The following AZIN2 variants were observed in gnomAD, a reference collection of about 807,000 sequenced individuals.
AZIN2 encodes the protein ODC antizyme inhibitor-2.
AZIN2 carries 28 observed loss-of-function variants against 47.8 expected under a neutral mutation model. That is an observed-to-expected ratio of 0.59 (90% CI 0.43 to 0.80). The LOEUF is 0.80. Ranked by LOEUF, AZIN2 falls within the 30% of genes least tolerant of loss-of-function variation. AZIN2 has a pLI of 0.00. For synonymous variants in AZIN2, 221 were observed against 239.4 expected (o/e 0.92, Z 0.71); for missense variants, 535 against 582.5 (o/e 0.92, Z 0.84).
the AZIN2 span, chr1:33,147,454 C>CGGCTG: frequency 6.2e-7 from 1 of 1,613,894 alleles, no homozygotes; most frequent in Non-Finnish European, 8.5e-7. The surrounding 1 kb of genome is among the most constrained non-coding windows in gnomAD (Gnocchi z 8.1). Flanking sequence ...GTAGAAGCCG[C>CGGCTG]GGCTGGGCTG....
chr1:33,146,074 T>A, the AZIN2 span: 4 of 352,198 alleles, frequency 1.1e-5, no homozygotes, highest in South Asian at 6.5e-5. Flanking sequence ...TTCCTGCAGA[T>A]GGGGGCAGCT....
intron 5 of AZIN2, among the ~76,000 whole-genome samples, chr1:33,086,220 A>T (rs1641879115): frequency 6.6e-6 from 1 of 151,732 alleles, no homozygotes; most frequent in Non-Finnish European, 1.5e-5. Context: ...GGTAATTACT[A>T]TTTTTTTTAA....
At chr1:33,097,494 A>G (rs904655430) in intron 9 of AZIN2, among the ~76,000 whole-genome samples, 1 of 152,128 alleles carries the variant, frequency 6.6e-6, no homozygotes, top group Admixed American at 6.5e-5. Flanking sequence ...CCTGTGAGTG[A>G]CAGGTGTCAG....
At chr1:33,147,266 C>CT in the AZIN2 span, 2 of 1,614,140 alleles carry the variant, frequency 1.2e-6, no homozygotes, top group African/African-American at 2.7e-5. The surrounding 1 kb of genome is among the most constrained non-coding windows in gnomAD (Gnocchi z 8.1). Flanking sequence ...CAGAGCTTGC[C>CT]AGGGAACTTC....
At chr1:33,082,465 A>G in intron 4 of AZIN2, 111 bp downstream of exon 4, 1 of 724,860 alleles carries the variant, frequency 1.4e-6, no homozygotes, top group South Asian at 1.9e-5. Flanking sequence ...TTGGTACGCA[A>G]TCCTTGCTAT....
chr1:33,165,224 C>T, the AZIN2 span: 11 of 392,954 alleles, frequency 2.8e-5, no homozygotes, highest in Non-Finnish European at 4.6e-5. This position sits in a 1 kb window ranked among gnomAD's most constrained non-coding sequence, Gnocchi z 4.0. Context: ...GAAATGGCCC[C>T]GTCCTTAACC....
the AZIN2 span, chr1:33,158,402 G>A: frequency 2.5e-6 from 4 of 1,592,852 alleles, no homozygotes; most frequent in Non-Finnish European, 3.4e-6. Flanking sequence ...GCTGCACCAG[G>A]GACTGGATTC....
intron 5 of AZIN2, among the ~76,000 whole-genome samples, chr1:33,090,814 A>C (rs2124506863): frequency 6.6e-6 from 1 of 152,194 alleles, no homozygotes; most frequent in East Asian, 1.9e-4. Flanking sequence ...CTCCTGACTA[A>C]AACTTTGTAT....
At chr1:33,135,726 T>C in the AZIN2 span, among the ~76,000 whole-genome samples, 1 of 152,258 alleles carries the variant, frequency 6.6e-6, no homozygotes, top group East Asian at 1.9e-4. Context: ...ACCTCTTCTC[T>C]TGAGTTCCTG....
chr1:33,089,867 G>A (rs537199926), intron 5 of AZIN2, among the ~76,000 whole-genome samples: 1 of 152,284 alleles, frequency 6.6e-6, no homozygotes, highest in African/African-American at 2.4e-5. Context: ...TGACTCTTAT[G>A]CCTCTCACCA....
intron 10 of AZIN2, among the ~76,000 whole-genome samples, chr1:33,101,533 G>T (rs1407282416): frequency 1.3e-5 from 2 of 149,794 alleles, no homozygotes; most frequent in African/African-American, 2.5e-5. Context: ...TAGATTTAGA[G>T]GTTTGAATAG....
downstream of AZIN2, among the ~76,000 whole-genome samples, chr1:33,125,391 C>T (rs1644849620): frequency 6.6e-6 from 1 of 152,236 alleles, no homozygotes. Flanking sequence ...TTGCCTGAGA[C>T]CCCTGCCCAC....
the AZIN2 span, chr1:33,147,779 C>T: frequency 1.3e-6 from 2 of 1,569,654 alleles, no homozygotes; most frequent in Non-Finnish European, 1.7e-6. The surrounding 1 kb of genome is among the most constrained non-coding windows in gnomAD (Gnocchi z 8.1). Context: ...GGCTGTGGAC[C>T]CACCATGCAG....
intron 10 of AZIN2, among the ~76,000 whole-genome samples, chr1:33,112,861 T>C (rs1644349804): frequency 6.6e-6 from 1 of 152,236 alleles, no homozygotes; most frequent in Non-Finnish European, 1.5e-5. Context: ...TAATTAGTAA[T>C]AGTTTATTTA....
the AZIN2 span, chr1:33,145,547 C>A: frequency 5.8e-6 from 1 of 173,014 alleles, no homozygotes; most frequent in Admixed American, 5.9e-5. Context: ...CCAAGGGAGG[C>A]CCGGGTGGCG....
At position 33,117,953 on chromosome 1, in the gene AZIN2, G is replaced by T. The variant is rs779219707; in HGVS notation, c.1081G>T (p.Val361Phe). Reference protein sequence around the residue: ...LYSSSLWGPAVDGCDCVAEGL... With the variant: ...LYSSSLWGPAFDGCDCVAEGL... ...CAGCAGCAGCCTGTGGGGCCCGGCG[G>T]TTGATGGCTGTGATTGCGTGGCTGA... The change falls in exon 11 of 12, where the codon GTT becomes TTT. Residue 361 changes from valine (V) to phenylalanine (F), a missense_variant. Around this residue, in one of 3 missense-constraint regions of AZIN2, gnomAD observed 122 missense variants for 135.8 expected, o/e 0.90. Coordinates refer to ENST00000294517, the MANE Select transcript of AZIN2 (RefSeq NM_052998.4). The T allele has an allele frequency of 1.4e-5, 23 of 1,613,424 alleles. No homozygotes were observed. In the African/African-American group the frequency reaches 2.5e-4, roughly 18 times the overall value.
chr1:33,142,922 G>A, the AZIN2 span: 1 of 152,066 alleles, frequency 6.6e-6, no homozygotes, highest in East Asian at 1.9e-4. Context: ...AACCACAGGG[G>A]CGTGTCTCGA....
chr1:33,087,297 C>A (rs537152307), intron 5 of AZIN2, among the ~76,000 whole-genome samples: 3 of 151,948 alleles, frequency 2.0e-5, no homozygotes, highest in African/African-American at 7.2e-5. Context: ...CGATGCCCGG[C>A]TAATTTTGTA....
the AZIN2 span, among the ~76,000 whole-genome samples, chr1:33,156,416 TG>T: frequency 1.3e-5 from 2 of 152,214 alleles, no homozygotes; most frequent in African/African-American, 2.4e-5. Context: ...TAGTCTCTTC[TG>T]GGTTCTCCCA....
Sources: gnomAD v4.1 joint callset for allele counts (sites outside exome capture counted in the v4.1 genomes callset) on GRCh38, gnomAD v4.1.1 for gene constraint, gnomAD v4.1.1 regional missense constraint, Gnocchi (gnomAD v3.1) non-coding constraint, MANE v1.5 for transcripts, NCBI Gene and HGNC (gene_info 2026-07-23, HGNC 2026-07-21) for gene names.